The following PIEZO2 variants were observed in gnomAD, a reference collection of about 807,000 sequenced individuals.
PIEZO2 encodes piezo-type mechanosensitive ion channel component 2.
PIEZO2 carries 172 observed loss-of-function variants against 337.3 expected under a neutral mutation model. That is an observed-to-expected ratio of 0.51 (90% CI 0.45 to 0.58). The LOEUF is 0.58. Ranked by LOEUF, PIEZO2 falls within the 20% of genes least tolerant of loss-of-function variation. PIEZO2 has a pLI of 0.00. For missense variants in PIEZO2, 3,028 were observed against 3,391.3 expected (o/e 0.89, Z 2.66); for synonymous variants, 1,251 against 1,228.5 (o/e 1.02, Z -0.38).
At position 10,869,627 on chromosome 18, in the gene PIEZO2, T is replaced by C. The variant is rs185104862; in HGVS notation, c.492+1626A>G. On this transcript the variant is annotated intron_variant, in intron 5 of 55. Transcript: ENST00000674853. ...ATTTTCAAACTGTAAATGTAAAAAATAGTCAAAATTTAAATCCTCTGTCTT... is the reference window on the plus strand; with the variant it reads ...ATTTTCAAACTGTAAATGTAAAAAACAGTCAAAATTTAAATCCTCTGTCTT... 4.6e-5 allele frequency among the ~76,000 whole-genome samples: 7 copies of C among 152,260 alleles called. No homozygotes were observed. In the East Asian group the frequency reaches 9.6e-4, roughly 21 times the overall value.
chr18:10,737,608 G>C (rs1027793947), intron 33 of PIEZO2: 2 of 152,178 alleles, frequency 1.3e-5, no homozygotes, highest in Non-Finnish European at 2.9e-5. Flanking sequence ...TACTTTCCCT[G>C]CAAGAACATA....
At position 11,120,392 on chromosome 18, in the gene PIEZO2, C is replaced by T. The variant is rs1313292282; in HGVS notation, c.64+28133G>A. 2.0e-5 allele frequency among the ~76,000 whole-genome samples: 3 copies of T among 151,790 alleles called. No individual in the cohort carries two copies. The East Asian group carries it at 5.8e-4, about 29-fold the overall frequency. ...TTTTCTTTGGTGCATTTTTTTGCATCCTGAGGGAAGTCAGTCACTTCAGCA... is the reference window on the plus strand; with the variant it reads ...TTTTCTTTGGTGCATTTTTTTGCATTCTGAGGGAAGTCAGTCACTTCAGCA... On this transcript the variant is annotated intron_variant, in intron 1 of 55. Coordinates refer to ENST00000674853, the MANE Select transcript of PIEZO2 (RefSeq NM_001378183.1).
In PIEZO2 at chr18:11,128,673, A is replaced by C. The variant is rs934451908; in HGVS notation, c.64+19852T>G. ...CCCTGAAGCAGTTTCTAGGCAAGATAATGTTGATTCTCCTCAGAAGCCTCC... is the reference window on the plus strand; with the variant it reads ...CCCTGAAGCAGTTTCTAGGCAAGATCATGTTGATTCTCCTCAGAAGCCTCC... On this transcript the variant is annotated intron_variant, in intron 1 of 55. Coordinates refer to ENST00000674853, the MANE Select transcript of PIEZO2 (RefSeq NM_001378183.1). The surrounding 1 kb of genome is among the most constrained non-coding windows in gnomAD (Gnocchi z 4.1). 6.6e-6 allele frequency among the ~76,000 whole-genome samples: 1 copy of C among 152,108 alleles called. No individual in the cohort carries two copies. Among genetic ancestry groups the C allele is most frequent in the Non-Finnish European group, 1.5e-5 (1 of 68,024 alleles).
At chr18:10,692,767 A>T (rs2034907830) in intron 47 of PIEZO2, among the ~76,000 whole-genome samples, 1 of 152,146 alleles carries the variant, frequency 6.6e-6, no homozygotes, top group African/African-American at 2.4e-5. Flanking sequence ...TGATCATCAC[A>T]GCTTTATAAT....
intron 21 of PIEZO2, among the ~76,000 whole-genome samples, chr18:10,763,960 GCCT>G (rs763996723): frequency 2.0e-5 from 3 of 152,192 alleles, no homozygotes; most frequent in Non-Finnish European, 4.4e-5. Flanking sequence ...CCACTTGGGA[GCCT>G]GAGTGGATAA....
At position 11,035,304 on chromosome 18, in the gene PIEZO2, T is replaced by TCTCTCTCTCC. The variant is rs1484817375; in HGVS notation, c.160+30813_160+30822dup. Among the ~76,000 whole-genome samples, 55 of 126,712 alleles carry TCTCTCTCTCC rather than the reference T, an allele frequency of 4.3e-4. 1 individual carries two copies. The highest frequency in any genetic ancestry group is 2.3e-4 in the Non-Finnish European group (14 of 61,640). The allele number at this position is 126,712 out of a possible 152,430, so 83.1% of individuals were successfully genotyped here. A position where few individuals can be genotyped will look rare whatever the true frequency, so the allele number is the denominator to read the frequency against. On this transcript the variant is annotated intron_variant, in intron 2 of 55. Transcript: ENST00000674853. This position sits in a 1 kb window ranked among gnomAD's most constrained non-coding sequence, Gnocchi z 4.3. ...GTTGTTTAAAAAGCCTGGCACCTTC[T>TCTCTCTCTCC]CTCTCTCTCCCTCTCTCTCTCTCTC...
rs946870360 is a variant in PIEZO2, at chr18:10,748,888, C to T, written c.4265-258G>A. Among the ~76,000 whole-genome samples the T allele has an allele frequency of 1.3e-5, 2 of 152,142 alleles. No homozygotes were observed. The highest frequency in any genetic ancestry group is 4.8e-5 in the African/African-American group (2 of 41,426). ...GGAGGGCCCTTTTTACGTGGGAGGCCTCTTGAGTATTTCTCTCTCTTAGGA... is the reference window on the plus strand; with the variant it reads ...GGAGGGCCCTTTTTACGTGGGAGGCTTCTTGAGTATTTCTCTCTCTTAGGA... On this transcript the variant is annotated intron_variant, in intron 29 of 55. Transcript: ENST00000674853. This position sits in a 1 kb window ranked among gnomAD's most constrained non-coding sequence, Gnocchi z 5.1.
chr18:10,996,218 G>C (rs1371333358), intron 2 of PIEZO2, among the ~76,000 whole-genome samples: 2 of 152,140 alleles, frequency 1.3e-5, no homozygotes, highest in Non-Finnish European at 2.9e-5. Context: ...TTTCACTGAA[G>C]AGAACAAGAC....
Position 10,909,736 on chromosome 18 carries a change from T to A in PIEZO2, c.329+1450A>T, listed in dbSNP as rs550950320. Among the ~76,000 whole-genome samples the A allele has an allele frequency of 2.5e-3, 383 of 152,334 alleles. 2 individuals carry two copies. Among genetic ancestry groups the A allele is most frequent in the African/African-American group, 7.8e-3 (326 of 41,582 alleles). On this transcript the variant is annotated intron_variant, in intron 4 of 55. Transcript: ENST00000674853. ...TTGTGTATGTTTTAGATGTTTCATA[T>A]TATGAAAGAAGGATCAAGGGAAAGA...
chr18:10,696,128 A>G lies in PIEZO2; in HGVS notation c.7136T>C (p.Leu2379Pro). 1 of 1,614,196 alleles carries G rather than the reference A, an allele frequency of 6.2e-7. No homozygotes were observed. The highest frequency in any genetic ancestry group is 8.5e-7 in the Non-Finnish European group (1 of 1,180,016). The change falls in exon 47 of 56, where the codon CTT becomes CCT. Residue 2379 changes from leucine (L) to proline (P), a missense_variant. Leu to Pro is a moderately conservative substitution (Grantham distance 98). Coordinates refer to ENST00000674853, the MANE Select transcript of PIEZO2 (RefSeq NM_001378183.1). ...VLGKVIFQVI[L>P]VFGIHFWMFF... Reference sequence around the variant, plus strand: ...CATCCAGAAGTGAATTCCGAACACAAGAATGACCTGGAAGATGACCTTTCC... The same window carrying G: ...CATCCAGAAGTGAATTCCGAACACAGGAATGACCTGGAAGATGACCTTTCC...
rs985342045 is a variant in PIEZO2, at chr18:10,993,884, G to A, written c.161-14224C>T. On this transcript the variant is annotated intron_variant, in intron 2 of 55. Transcript: ENST00000674853. This position sits in a 1 kb window ranked among gnomAD's most constrained non-coding sequence, Gnocchi z 5.0. Reference sequence around the variant, plus strand: ...AAATTTTTCATTTCCATAGGTTTTGGGGAACAGGTGATATTTGGTTACACA... The same window carrying A: ...AAATTTTTCATTTCCATAGGTTTTGAGGAACAGGTGATATTTGGTTACACA... 2.0e-5 allele frequency among the ~76,000 whole-genome samples: 3 copies of A among 151,964 alleles called. No homozygotes were observed. Among genetic ancestry groups the A allele is most frequent in the Non-Finnish European group, 2.9e-5 (2 of 67,996 alleles).
chr18:11,068,404 A>T (rs1244272472), intron 1 of PIEZO2, among the ~76,000 whole-genome samples: 3 of 152,232 alleles, frequency 2.0e-5, no homozygotes, highest in Non-Finnish European at 4.4e-5. Flanking sequence ...ATACACGGAA[A>T]TTAAACAACA....
At position 11,027,131 on chromosome 18, in the gene PIEZO2, G is replaced by A. The variant is rs77074450; in HGVS notation, c.160+38996C>T. Among the ~76,000 whole-genome samples the A allele has an allele frequency of 0.017, 2,531 of 152,270 alleles. 44 individuals are homozygous for A. Among genetic ancestry groups the A allele is most frequent in the African/African-American group, 0.043 (1,794 of 41,536 alleles). ...TAGCTACACTTATATGACAAACAGC[G>A]ATTTGGACAAACTAAAGTAGGAGCC... On this transcript the variant is annotated intron_variant, in intron 2 of 55. Coordinates refer to ENST00000674853, the MANE Select transcript of PIEZO2 (RefSeq NM_001378183.1). This position sits in a 1 kb window ranked among gnomAD's most constrained non-coding sequence, Gnocchi z 4.2.
intron 2 of PIEZO2, among the ~76,000 whole-genome samples, chr18:10,998,808 G>GCATGT (rs1278758718): frequency 6.8e-6 from 1 of 147,404 alleles, no homozygotes; most frequent in African/African-American, 2.5e-5. Context: ...ACAAATTTTA[G>GCATGT]CATGTTTTAT....
intron 28 of PIEZO2, among the ~76,000 whole-genome samples, chr18:10,752,278 T>C (rs1486066159): frequency 1.3e-5 from 2 of 152,330 alleles, no homozygotes; most frequent in Admixed American, 1.3e-4. Context: ...TTGAAAAGAT[T>C]CAGTGGCTCA....
At chr18:10,751,845 T>C (rs980330693) in intron 28 of PIEZO2, among the ~76,000 whole-genome samples, 1 of 152,198 alleles carries the variant, frequency 6.6e-6, no homozygotes, top group African/African-American at 2.4e-5. Flanking sequence ...ACTAAATCAC[T>C]GAAATGGTGT....
intron 31 of PIEZO2, among the ~76,000 whole-genome samples, chr18:10,743,462 T>C (rs2037303367): frequency 6.6e-6 from 1 of 152,138 alleles, no homozygotes; most frequent in African/African-American, 2.4e-5. Flanking sequence ...AAGATTATTT[T>C]CCATGGAATT....
chr18:10,811,434 T>A (rs1429687485), intron 7 of PIEZO2, among the ~76,000 whole-genome samples: 1 of 152,198 alleles, frequency 6.6e-6, no homozygotes, highest in Non-Finnish European at 1.5e-5. Flanking sequence ...TAAGTTTTTT[T>A]AACTGAATTA....
At position 10,671,386 on chromosome 18, in the gene PIEZO2, G is replaced by T; in HGVS notation, c.*141C>A. The T allele has an allele frequency of 2.3e-6, 2 of 857,992 alleles. No individual in the cohort carries two copies. The highest frequency in any genetic ancestry group is 1.7e-6 in the Non-Finnish European group (1 of 585,600). The allele number at this position is 857,992 out of a possible 1,614,324, so 53.1% of individuals were successfully genotyped here. On this transcript the variant is annotated 3_prime_UTR_variant, in exon 56 of 56. Coordinates refer to ENST00000674853, the MANE Select transcript of PIEZO2 (RefSeq NM_001378183.1). ...TGCAAGGTAGCTTTTACTGCAGAAG[G>T]ATATCAGCTCCTTTTGTCTACCTAT... is the stretch of plus-strand genomic sequence containing the variant.
Sources: allele counts gnomAD v4.1 joint callset (sites outside exome capture counted in the v4.1 genomes callset), GRCh38; gene constraint gnomAD v4.1.1; non-coding constraint Gnocchi (gnomAD v3.1); transcripts MANE v1.5; gene names NCBI Gene and HGNC (gene_info 2026-07-23, HGNC 2026-07-21).